Variants in FAM210B observed in about 807,000 individuals in gnomAD.
FAM210B encodes family with sequence similarity 210 member B.
Under a neutral mutation model 14.9 loss-of-function variants are expected in FAM210B, and 11 were observed. The ratio of observed to expected loss-of-function variants is 0.74; its 90% CI spans 0.46 to 1.22. The LOEUF (loss-of-function observed/expected upper bound fraction) is 1.22. Ranked by LOEUF, FAM210B falls within the 50% of genes most tolerant of loss-of-function variation. FAM210B has a pLI of 0.00. For synonymous variants in FAM210B, 113 were observed against 110.2 expected, an observed-to-expected ratio of 1.03 and a Z score of -0.16; for missense variants, 229 against 250.1, an observed-to-expected ratio of 0.92 and a Z score of 0.57.
In FAM210B at chr20:56,365,103, C is replaced by A. The variant is rs371903531; in HGVS notation, c.203C>A (p.Thr68Lys). ...CRGHQDPSQA[T>K]GTTGSSVSCT... ...TGTACACAGGACCCCAGCCAGGCCA[C>A]GGGGACAACAGGCAGCAGCGTCAGC... Residue 68 changes from threonine (T) to lysine (K), a missense_variant, in exon 2 of 3, where the codon ACG becomes AAG. Thr to Lys is a moderately conservative substitution (Grantham distance 78). Around this residue, in one of 3 missense-constraint regions of FAM210B, gnomAD observed 144 missense variants for 132.5 expected, o/e 1.09. Coordinates refer to ENST00000371384, the MANE Select transcript of FAM210B (RefSeq NM_080821.3). 6.2e-7 allele frequency: 1 copy of A among 1,613,210 alleles called. No homozygotes were observed. Among genetic ancestry groups the A allele is most frequent in the African/African-American group, 1.3e-5 (1 of 75,016 alleles).
chr20:56,360,311 G>T, intron 1 of FAM210B: 1 of 459,568 alleles, frequency 2.2e-6, no homozygotes. Flanking sequence ...CCTCTCTAAC[G>T]ACCTGTGAGG....
rs987454459 is a variant in FAM210B, at chr20:56,363,617, G to T, written c.187-1470G>T. Among the ~76,000 whole-genome samples, 1 of 152,114 alleles carries T rather than the reference G, an allele frequency of 6.6e-6. No homozygotes were observed. The highest frequency in any genetic ancestry group is 1.5e-5 in the Non-Finnish European group (1 of 68,028). On this transcript the variant is annotated intron_variant, in intron 1 of 2. Coordinates refer to ENST00000371384, the MANE Select transcript of FAM210B (RefSeq NM_080821.3). The surrounding 1 kb of genome is among the most constrained non-coding windows in gnomAD (Gnocchi z 4.1). ...TAAAGTGCTCTGTTATTGAGAAGTG[G>T]TTTTTTTCCCTCCCCTAATGTGGGT...
chr20:56,366,276 G>T lies in FAM210B; in HGVS notation c.568G>T (p.Ala190Ser), dbSNP rs748956314. The change falls in exon 3 of 3, where the codon GCA (alanine) becomes TCA (serine). Residue 190 changes from alanine to serine, a missense_variant. Ala to Ser is a moderately conservative substitution (Grantham distance 99). Transcript: ENST00000371384. ...RKVGFFKPPA[A>S]KP The stretch of plus-strand genomic sequence containing the variant: ...AGTGGGATTTTTTAAACCTCCAGCT[G>T]CAAAACCTTAATGAACTCTTCAGTC... 4 of 1,613,862 alleles carry T rather than the reference G, an allele frequency of 2.5e-6. No homozygotes were observed. The African/African-American group carries it at 5.3e-5, about 22-fold the overall frequency.
rs1483058679 is a variant in FAM210B at position 56,359,271 on chromosome 20, G to A, written c.186+80G>A. ...CGCAGGGCCGCGCCGGGGTCCGGCC[G>A]CCTCCGCCAAGGACGCCTTTGCACT... is the stretch of plus-strand genomic sequence containing the variant. On this transcript the variant is annotated intron_variant, in intron 1 of 2. Transcript: ENST00000371384. This position sits in a 1 kb window ranked among gnomAD's most constrained non-coding sequence, Gnocchi z 4.3. 26 of 1,195,010 alleles carry A rather than the reference G, an allele frequency of 2.2e-5. No homozygotes were observed. The highest frequency in any genetic ancestry group is 4.4e-5 in the Admixed American group (1 of 22,662). The allele number at this position is 1,195,010 out of a possible 1,614,324, so 74.0% of individuals were successfully genotyped here. A position where few individuals can be genotyped will look rare whatever the true frequency, so the allele number is the denominator to read the frequency against.
At chr20:56,360,454 G>A (rs946725605) in intron 1 of FAM210B, 5 of 340,426 alleles carry the variant, frequency 1.5e-5, no homozygotes, top group Non-Finnish European at 2.4e-5. Flanking sequence ...GCACTGGAGC[G>A]GTGTGTGTGT....
chr20:56,362,435 C>A lies in FAM210B; in HGVS notation c.187-2652C>A, dbSNP rs1983553117. Among the ~76,000 whole-genome samples the A allele has an allele frequency of 6.6e-6, 1 of 152,168 alleles. No homozygotes were observed. The highest frequency in any genetic ancestry group is 2.1e-4 in the South Asian group (1 of 4,830). On this transcript the variant is annotated intron_variant, in intron 1 of 2. Transcript: ENST00000371384. The surrounding 1 kb of genome is among the most constrained non-coding windows in gnomAD (Gnocchi z 4.8). ...GCATTCAGGACAGTGCCTAACACAT[C>A]CCGGGTACTTACGGCAATGTTTCAC...
chr20:56,366,413 T>C lies in FAM210B; in HGVS notation c.*126T>C. ...TAGGGGGCTAATTGCTATGTTCTCA[T>C]GGATAAACTTTGCCAGCAAAAATCA... On this transcript the variant is annotated 3_prime_UTR_variant, in exon 3 of 3. Transcript: ENST00000371384. The C allele has an allele frequency of 1.2e-6, 1 of 860,590 alleles. No homozygotes were observed. Among genetic ancestry groups the C allele is most frequent in the Non-Finnish European group, 1.8e-6 (1 of 562,606 alleles). The allele number at this position is 860,590 out of a possible 1,614,324, so 53.3% of individuals were successfully genotyped here. A position where few individuals can be genotyped will look rare whatever the true frequency, so the allele number is the denominator to read the frequency against.
In FAM210B at chr20:56,366,067, CT is replaced by C. The variant is rs531190066; in HGVS notation, c.363-3del. ...AATTGTTTTCTTTGCTTCTTCCCCC[CT>C]AGTGGTGTGGACATGCCTGCAATCC... On this transcript the variant is annotated splice_polypyrimidine_tract_variant and splice_region_variant and intron_variant, in intron 2 of 2. Coordinates refer to ENST00000371384, the MANE Select transcript of FAM210B (RefSeq NM_080821.3). 1.6e-4 allele frequency: 260 copies of C among 1,611,780 alleles called. 1 individual carries two copies. The highest frequency in any genetic ancestry group is 7.4e-4 in the South Asian group (67 of 90,970).
In FAM210B at chr20:56,359,002, C is replaced by T; in HGVS notation, c.-4C>T. 1 of 1,298,154 alleles carries T rather than the reference C, an allele frequency of 7.7e-7. No individual in the cohort carries two copies. The allele number at this position is 1,298,154 out of a possible 1,614,324, so 80.4% of individuals were successfully genotyped here. A position where few individuals can be genotyped will look rare whatever the true frequency, so the allele number is the denominator to read the frequency against. On this transcript the variant is annotated 5_prime_UTR_variant, in exon 1 of 3. Coordinates refer to ENST00000371384, the MANE Select transcript of FAM210B (RefSeq NM_080821.3). This position sits in a 1 kb window ranked among gnomAD's most constrained non-coding sequence, Gnocchi z 4.3. Reference sequence around the variant, plus strand: ...GGCGCGGGTGCTGCGCCTAGCTGCGCACCATGGCCGGGTTGCTGGCGTTGC... The same window carrying T: ...GGCGCGGGTGCTGCGCCTAGCTGCGTACCATGGCCGGGTTGCTGGCGTTGC...
chr20:56,365,967 TAC>T, intron 2 of FAM210B, 102 bp from the exon 3 acceptor site: 1 of 773,434 alleles, frequency 1.3e-6, no homozygotes. Context: ...TTCATTCAGC[TAC>T]TTCATTACAT....
At chr20:56,360,325 C>T (rs971263629) in intron 1 of FAM210B, 10 of 450,486 alleles carry the variant, frequency 2.2e-5, no homozygotes, top group South Asian at 1.1e-4. Context: ...TGTGAGGTCT[C>T]GGATGCCTCC....
At chr20:56,365,460 C>G (rs1006808737) in intron 2 of FAM210B, among the ~76,000 whole-genome samples, 198 bp downstream of exon 2, 3 of 151,934 alleles carry the variant, frequency 2.0e-5, no homozygotes, top group African/African-American at 7.3e-5. Flanking sequence ...CTCAGCCTCC[C>G]AAGTAGCTGA....
Position 56,367,717 on chromosome 20 carries a change from G to A in FAM210B, c.*1430G>A, listed in dbSNP as rs762351077. On this transcript the variant is annotated 3_prime_UTR_variant, in exon 3 of 3. Transcript: ENST00000371384. ...TAGTAGTCAGGAGCAGGCGATTGAA[G>A]TAATTCTGTCCTGCGGGGTTCAGCA... 1 of 152,260 alleles carries A rather than the reference G, an allele frequency of 6.6e-6. No individual in the cohort carries two copies. The highest frequency in any genetic ancestry group is 6.5e-5 in the Admixed American group (1 of 15,282). The allele number at this position is 152,260 out of a possible 1,614,324, so 9.4% of individuals were successfully genotyped here.
rs1370701009 is a variant in FAM210B, at chr20:56,362,327, ACACACACACTGTCT to A, written c.187-2749_187-2736del. On this transcript the variant is annotated intron_variant, in intron 1 of 2. Transcript: ENST00000371384. The surrounding 1 kb of genome is among the most constrained non-coding windows in gnomAD (Gnocchi z 4.8). ...TGGGGAGAGGCAGAAGGGGCATCTCACACACACACTGTCTCACACACACTCTCACACACATGTGC... is the reference window on the plus strand; with the variant it reads ...TGGGGAGAGGCAGAAGGGGCATCTCACACACACACTCTCACACACATGTGC... 1.6e-5 allele frequency among the ~76,000 whole-genome samples: 2 copies of A among 127,192 alleles called. No homozygotes were observed. Among genetic ancestry groups the A allele is most frequent in the Non-Finnish European group, 3.1e-5 (2 of 64,884 alleles). The allele number at this position is 127,192 out of a possible 152,430, so 83.4% of individuals were successfully genotyped here. A position where few individuals can be genotyped will look rare whatever the true frequency, so the allele number is the denominator to read the frequency against.
chr20:56,360,366 G>T (rs1983509687), intron 1 of FAM210B: 1 of 412,222 alleles, frequency 2.4e-6, no homozygotes, highest in East Asian at 7.1e-5. Flanking sequence ...ATGGCTGTGG[G>T]TCTTCTCTGC....
intron 1 of FAM210B, among the ~76,000 whole-genome samples, chr20:56,364,864 G>T (rs1399332436): frequency 6.6e-6 from 1 of 152,086 alleles, no homozygotes; most frequent in African/African-American, 2.4e-5. Flanking sequence ...TGAGGCAAAA[G>T]AATCCTTTGA....
chr20:56,359,153 C>CTGCT lies in FAM210B; in HGVS notation c.149_152dup (p.Arg52AlafsTer85). 3.2e-6 allele frequency: 4 copies of CTGCT among 1,244,034 alleles called. No individual in the cohort carries two copies. The highest frequency in any genetic ancestry group is 4.0e-6 in the Non-Finnish European group (4 of 998,626). The allele number at this position is 1,244,034 out of a possible 1,614,324, so 77.1% of individuals were successfully genotyped here. ...GCTCCCGCCCAGGCTAGACGCCCGG[C>CTGCT]TGCTCCGCACGGCGCGCGGGGACTG... is the stretch of plus-strand genomic sequence containing the variant. On this transcript the variant is annotated frameshift_variant, in exon 1 of 3. Transcript: ENST00000371384. LOFTEE classifies it high-confidence loss of function. This position sits in a 1 kb window ranked among gnomAD's most constrained non-coding sequence, Gnocchi z 4.3.
intron 1 of FAM210B, among the ~76,000 whole-genome samples, chr20:56,361,702 C>T (rs149800206): frequency 0.015 from 2,329 of 152,232 alleles, 21 homozygotes; most frequent in Non-Finnish European, 0.024. Flanking sequence ...TGAGGCCGGG[C>T]GCGGTGGCTC....
rs554206065 is a variant in FAM210B, at chr20:56,368,285, C to T, written c.*1998C>T. The T allele has an allele frequency of 1.5e-3, 222 of 151,074 alleles. No homozygotes were observed. The highest frequency in any genetic ancestry group is 1.9e-3 in the Non-Finnish European group (127 of 67,944). The allele number at this position is 151,074 out of a possible 1,614,324, so 9.4% of individuals were successfully genotyped here. On this transcript the variant is annotated 3_prime_UTR_variant, in exon 3 of 3. Transcript: ENST00000371384. ...ATTCCTTGGCTTCGGCTCCTCACCA[C>T]TTTCTATGCCAGTCTCCCATTTATG...
Sources: allele counts gnomAD v4.1 joint callset (sites outside exome capture counted in the v4.1 genomes callset), GRCh38; gene constraint gnomAD v4.1.1; regional missense constraint gnomAD v4.1.1; non-coding constraint Gnocchi (gnomAD v3.1); transcripts MANE v1.5; gene names NCBI Gene and HGNC (gene_info 2026-07-23, HGNC 2026-07-21).